Variants in MAN2A1 observed in about 807,000 individuals in gnomAD.
MAN2A1 encodes the protein alpha-mannosidase 2.
In MAN2A1, 76 loss-of-function variants were observed where a neutral mutation model predicts 142.6. The ratio of observed to expected loss-of-function variants is 0.53; its 90% CI spans 0.44 to 0.65. MAN2A1 has a LOEUF of 0.65. Ranked by LOEUF, MAN2A1 falls within the 30% of genes least tolerant of loss-of-function variation. MAN2A1 has a pLI of 0.00. For synonymous variants in MAN2A1, 559 were observed against 473.2 expected, an observed-to-expected ratio of 1.18 and a Z score of -2.35; for missense variants, 1,311 against 1,365.1, an observed-to-expected ratio of 0.96 and a Z score of 0.62.
rs1755376703 is a variant in MAN2A1, at chr5:109,847,673, C to T, written c.2859C>T (p.Ile953=). The T allele has an allele frequency of 5.1e-6, 8 of 1,563,472 alleles. No homozygotes were observed. Among genetic ancestry groups the T allele is most frequent in the Non-Finnish European group, 5.2e-6 (6 of 1,155,744 alleles). The change falls in exon 19 of 22, where the codon ATC becomes ATT. Residue 953 remains isoleucine (I), a synonymous_variant. Transcript: ENST00000261483. ...GTGTGTTAGGTCAGATTGAAGTTATCATGGATCGAAGACTCATGCAAGATG... is the reference window on the plus strand; with the variant it reads ...GTGTGTTAGGTCAGATTGAAGTTATTATGGATCGAAGACTCATGCAAGATG... ...SSLNSGQIEV[I]MDRRLMQDDN... is the part of the protein sequence containing the mutation.
chr5:109,731,317 A>G (rs1751901108), intron 4 of MAN2A1, among the ~76,000 whole-genome samples: 1 of 151,384 alleles, frequency 6.6e-6, no homozygotes, highest in Non-Finnish European at 1.5e-5. Flanking sequence ...CTCATTCTGT[A>G]TGACTATCAT....
chr5:109,714,814 A>T (rs1751407294), intron 2 of MAN2A1, among the ~76,000 whole-genome samples: 1 of 152,168 alleles, frequency 6.6e-6, no homozygotes, highest in Non-Finnish European at 1.5e-5. Flanking sequence ...GGGACAGTGG[A>T]GCTGGCCAGG....
At chr5:109,758,249 T>C (rs1752742613) in intron 5 of MAN2A1, among the ~76,000 whole-genome samples, 1 of 152,174 alleles carries the variant, frequency 6.6e-6, no homozygotes, top group Non-Finnish European at 1.5e-5. Flanking sequence ...TCATTGTGAT[T>C]TTGATTTGCA....
intron 10 of MAN2A1, among the ~76,000 whole-genome samples, chr5:109,788,386 G>A (rs959776272): frequency 6.6e-6 from 1 of 151,674 alleles, no homozygotes; most frequent in Non-Finnish European, 1.5e-5. Context: ...AATTTAACAG[G>A]GATAAAGACA....
chr5:109,695,677 T>C (rs1002262866), intron 1 of MAN2A1, among the ~76,000 whole-genome samples: 10 of 152,338 alleles, frequency 6.6e-5, no homozygotes, highest in South Asian at 2.1e-4. Context: ...TTTTTATCCC[T>C]TCTGTCTTGG....
chr5:109,801,304 A>G (rs1448863780), intron 12 of MAN2A1, among the ~76,000 whole-genome samples: 1 of 152,156 alleles, frequency 6.6e-6, no homozygotes, highest in Non-Finnish European at 1.5e-5. Flanking sequence ...TTTCGTCCAG[A>G]AAGAGGGATG....
At chr5:109,725,329 C>T (rs1012742963) in intron 3 of MAN2A1, among the ~76,000 whole-genome samples, 1 of 152,200 alleles carries the variant, frequency 6.6e-6, no homozygotes, top group African/African-American at 2.4e-5. Flanking sequence ...GGCCAGCTGC[C>T]TTCTCCTCCC....
At chr5:109,758,840 T>C (rs1355452439) in intron 5 of MAN2A1, among the ~76,000 whole-genome samples, 3 of 151,916 alleles carry the variant, frequency 2.0e-5, no homozygotes, top group East Asian at 1.9e-4. Flanking sequence ...ATGCCACTTA[T>C]TGGAAAAGAT....
chr5:109,763,369 C>A (rs1228633389), intron 5 of MAN2A1, among the ~76,000 whole-genome samples: 1 of 152,108 alleles, frequency 6.6e-6, no homozygotes, highest in Admixed American at 6.6e-5. Context: ...GGGAGATTTT[C>A]CCTTGGCCCA....
intron 4 of MAN2A1, among the ~76,000 whole-genome samples, chr5:109,749,580 C>T (rs1752493762): frequency 6.6e-6 from 1 of 151,850 alleles, no homozygotes; most frequent in Admixed American, 6.6e-5. Flanking sequence ...CCTTTGTTTC[C>T]CTTACTTACC....
At chr5:109,726,835 A>G (rs910381178) in intron 3 of MAN2A1, among the ~76,000 whole-genome samples, 2 of 152,284 alleles carry the variant, frequency 1.3e-5, no homozygotes, top group African/African-American at 2.4e-5. Flanking sequence ...GCATTTCACT[A>G]TTTATAGTTC....
intron 5 of MAN2A1, among the ~76,000 whole-genome samples, chr5:109,763,582 A>G (rs893627023): frequency 3.3e-5 from 5 of 151,744 alleles, no homozygotes; most frequent in Non-Finnish European, 5.9e-5. Context: ...GGTTAGTTAC[A>G]TATGTATACA....
At chr5:109,721,648 A>T (rs1202636429) in intron 3 of MAN2A1, among the ~76,000 whole-genome samples, 6 of 152,202 alleles carry the variant, frequency 3.9e-5, no homozygotes, top group Non-Finnish European at 7.3e-5. Flanking sequence ...GTTTTTAGAG[A>T]TCTCTAAAAT....
At chr5:109,715,949 T>C (rs1356728285) in intron 2 of MAN2A1, among the ~76,000 whole-genome samples, 171 bp from the exon 3 acceptor site, 1 of 152,176 alleles carries the variant, frequency 6.6e-6, no homozygotes, top group Admixed American at 6.5e-5. Context: ...ATTTCAAGCC[T>C]TTGAATGGTG....
intron 16 of MAN2A1, among the ~76,000 whole-genome samples, chr5:109,825,850 C>CTGCCTCTT (rs1379308971): frequency 6.7e-6 from 1 of 150,320 alleles, no homozygotes; most frequent in African/African-American, 2.5e-5. Flanking sequence ...GGTCTTGCCT[C>CTGCCTCTT]TGCCTCTTTT....
intron 19 of MAN2A1, chr5:109,853,483 T>A (rs1358260537): frequency 6.6e-6 from 1 of 152,226 alleles, no homozygotes; most frequent in African/African-American, 2.4e-5. Flanking sequence ...ACGTTATTGC[T>A]TCTGGAGTAT....
intron 4 of MAN2A1, among the ~76,000 whole-genome samples, chr5:109,729,735 G>A (rs939467378): frequency 1.3e-5 from 2 of 152,160 alleles, no homozygotes; most frequent in Non-Finnish European, 2.9e-5. Context: ...GCTTACTGCT[G>A]TAATCCTAGC....
chr5:109,742,475 T>G (rs886568237), intron 4 of MAN2A1, among the ~76,000 whole-genome samples: 1 of 152,228 alleles, frequency 6.6e-6, no homozygotes, highest in East Asian at 1.9e-4. Flanking sequence ...TATATTTAAG[T>G]GAACCTTCCA....
intron 20 of MAN2A1, among the ~76,000 whole-genome samples, chr5:109,856,079 A>G (rs1484806524): frequency 1.3e-5 from 2 of 152,192 alleles, no homozygotes; most frequent in Non-Finnish European, 2.9e-5. Context: ...TGTTTAATGT[A>G]GAACAAAGAA....
Sources: gnomAD v4.1 joint callset for allele counts (sites outside exome capture counted in the v4.1 genomes callset) on GRCh38, gnomAD v4.1.1 for gene constraint, MANE v1.5 for transcripts, NCBI Gene and HGNC (gene_info 2026-07-23, HGNC 2026-07-21) for gene names.